The following STK3 variants were observed in gnomAD, a reference collection of about 807,000 sequenced individuals.
STK3 encodes the protein serine/threonine kinase 3.
A neutral mutation model predicts 58.0 loss-of-function variants in STK3; 41 were observed. That is an observed-to-expected ratio of 0.71 (90% CI 0.55 to 0.92). STK3 has a LOEUF of 0.92. STK3 is among the 40% of genes least tolerant of loss of function. STK3 has a pLI of 0.00. For synonymous variants in STK3, 170 were observed against 191.0 expected (o/e 0.89, Z 0.91); for missense variants, 479 against 602.7 (o/e 0.79, Z 2.15).
At chr8:98,894,110 G>A (rs764428047) in intron 1 of STK3, among the ~76,000 whole-genome samples, 5 of 152,096 alleles carry the variant, frequency 3.3e-5, no homozygotes, top group African/African-American at 4.8e-5. Flanking sequence ...CTTCTATCCC[G>A]TGATAGGGGG....
intron 3 of STK3, among the ~76,000 whole-genome samples, chr8:98,414,459 C>A (rs1395412768): frequency 6.6e-6 from 1 of 152,144 alleles, no homozygotes; most frequent in Non-Finnish European, 1.5e-5. Context: ...TTATTTTAAT[C>A]TAAGAAACAG....
chr8:98,767,396 T>C, intron 2 of STK3, 25 bp from the exon 3 acceptor site: 1 of 1,563,452 alleles, frequency 6.4e-7, no homozygotes, highest in African/African-American at 1.4e-5. Flanking sequence ...GACATTATTT[T>C]TTTCCTATCA....
chr8:98,630,867 A>G (rs1346326015), intron 6 of STK3, among the ~76,000 whole-genome samples: 1 of 152,162 alleles, frequency 6.6e-6, no homozygotes, highest in Non-Finnish European at 1.5e-5. Context: ...GTTATGAGAG[A>G]TGCCAAAGCA....
At chr8:98,728,926 T>A (rs576639826) in intron 4 of STK3, among the ~76,000 whole-genome samples, 1 of 152,180 alleles carries the variant, frequency 6.6e-6, no homozygotes, top group Non-Finnish European at 1.5e-5. Flanking sequence ...AAAAAAAAGT[T>A]TGAAGAAGCA....
chr8:98,897,871 A>C (rs1838514294), intron 1 of STK3, among the ~76,000 whole-genome samples: 1 of 152,216 alleles, frequency 6.6e-6, no homozygotes, highest in Non-Finnish European at 1.5e-5. Context: ...CTTCTAAAGC[A>C]TACTGATATG....
chr8:98,397,912 G>A (rs533559305), downstream of STK3, among the ~76,000 whole-genome samples: 1 of 152,092 alleles, frequency 6.6e-6, no homozygotes. Context: ...GTTTCCTGAG[G>A]CCTCCTAACC....
rs1587167802 is a variant in STK3 at position 98,652,580 on chromosome 8, G to A, written c.684+53887C>T. Among the ~76,000 whole-genome samples the A allele has an allele frequency of 2.7e-5, 4 of 145,734 alleles. No individual in the cohort carries two copies. In the South Asian group the frequency reaches 9.3e-4, roughly 34 times the overall value. ...AGACCCATCAGTGTGCTGTATTCAG[G>A]AAACCCATCTCACGTGCAGAGACAC... On this transcript the variant is annotated intron_variant, in intron 6 of 10. Transcript: ENST00000419617.
chr8:98,625,562 T>C (rs1271431412), intron 6 of STK3, among the ~76,000 whole-genome samples: 2 of 152,120 alleles, frequency 1.3e-5, no homozygotes, highest in Non-Finnish European at 2.9e-5. Context: ...ACTGAGTCTA[T>C]CTCAGTTTAA....
At chr8:98,900,283 G>A (rs980903551) in intron 1 of STK3, among the ~76,000 whole-genome samples, 1 of 151,784 alleles carries the variant, frequency 6.6e-6, no homozygotes, top group Non-Finnish European at 1.5e-5. Flanking sequence ...CACCATGTTG[G>A]CCAGCCAGGC....
intron 7 of STK3, among the ~76,000 whole-genome samples, chr8:98,580,792 T>C (rs1813816416): frequency 6.6e-6 from 1 of 152,062 alleles, no homozygotes; most frequent in African/African-American, 2.4e-5. Context: ...GTTATTTTAA[T>C]AAACTTCAAG....
chr8:98,560,611 A>T lies in STK3; in HGVS notation c.949-12450T>A, dbSNP rs78311354. ...TACTGTTAAAATGCCATTTCTTCCTAACTTGATGTATAGATTTCATTCAAT... is the reference window on the plus strand; with the variant it reads ...TACTGTTAAAATGCCATTTCTTCCTTACTTGATGTATAGATTTCATTCAAT... On this transcript the variant is annotated intron_variant, in intron 8 of 10. Coordinates refer to ENST00000419617, the MANE Select transcript of STK3 (RefSeq NM_006281.4). Among the ~76,000 whole-genome samples the T allele has an allele frequency of 8.3e-3, 1,270 of 152,290 alleles. 12 individuals are homozygous for T. Among genetic ancestry groups the T allele is most frequent in the African/African-American group, 0.028 (1,179 of 41,572 alleles).
At chr8:98,553,702 G>A (rs1297159212) in intron 8 of STK3, among the ~76,000 whole-genome samples, 6 of 152,090 alleles carry the variant, frequency 3.9e-5, no homozygotes, top group Admixed American at 1.3e-4. Context: ...GGGGGCTCAC[G>A]CCTTTAATCT....
chr8:98,457,499 T>C (rs1819588475), intron 10 of STK3, among the ~76,000 whole-genome samples: 2 of 152,240 alleles, frequency 1.3e-5, no homozygotes, highest in African/African-American at 4.8e-5. Flanking sequence ...CTTTCCCATT[T>C]CTAAATTTCT....
intron 1 of STK3, among the ~76,000 whole-genome samples, chr8:98,383,829 A>T (rs908254183): frequency 6.6e-6 from 1 of 152,234 alleles, no homozygotes; most frequent in Non-Finnish European, 1.5e-5. Flanking sequence ...GTACAGTCTC[A>T]GATATTCCCA....
intron 6 of STK3, among the ~76,000 whole-genome samples, chr8:98,634,546 A>T (rs1056511618): frequency 3.3e-5 from 5 of 151,752 alleles, no homozygotes; most frequent in Non-Finnish European, 7.4e-5. Flanking sequence ...GAGGGAGGAT[A>T]CTCTTGGTTA....
At chr8:98,775,448 G>A (rs759540530) in intron 1 of STK3, among the ~76,000 whole-genome samples, 111 of 152,110 alleles carry the variant, frequency 7.3e-4, no homozygotes, top group Admixed American at 1.2e-3. Flanking sequence ...ACAGGTACAC[G>A]CCAGACGCAC....
At chr8:98,518,688 C>T (rs1245718104) in intron 10 of STK3, among the ~76,000 whole-genome samples, 2 of 152,152 alleles carry the variant, frequency 1.3e-5, no homozygotes, top group Non-Finnish European at 2.9e-5. Flanking sequence ...TAGACAATCA[C>T]ATGACACAAC....
At chr8:98,486,653 G>C (rs1389544498) in intron 10 of STK3, among the ~76,000 whole-genome samples, 1 of 152,202 alleles carries the variant, frequency 6.6e-6, no homozygotes, top group African/African-American at 2.4e-5. Flanking sequence ...GAAAAAAGGG[G>C]AGGTGAGGGG....
At position 98,603,760 on chromosome 8, in the gene STK3, AAGGGAAGAAGGAAAGG is replaced by A. The variant is rs537131147; in HGVS notation, c.685-7607_685-7592del. Among the ~76,000 whole-genome samples, 71 of 152,016 alleles carry A rather than the reference AAGGGAAGAAGGAAAGG, an allele frequency of 4.7e-4. No homozygotes were observed. The East Asian group carries it at 0.013, about 29-fold the overall frequency. Reference sequence around the variant, plus strand: ...ATGCTGGAAGCGGGGCCTGGGAAGGAAGGGAAGAAGGAAAGGAAGGAAGAAGGAAAGGAAGAAGGGA... The same window carrying A: ...ATGCTGGAAGCGGGGCCTGGGAAGGAAAGGAAGAAGGAAAGGAAGAAGGGA... On this transcript the variant is annotated intron_variant, in intron 6 of 10. Transcript: ENST00000419617.
Sources: gnomAD v4.1 joint callset for allele counts (sites outside exome capture counted in the v4.1 genomes callset) on GRCh38, gnomAD v4.1.1 for gene constraint, MANE v1.5 for transcripts, NCBI Gene and HGNC (gene_info 2026-07-23, HGNC 2026-07-21) for gene names.